WDR72: variants seen among roughly 807,000 people sequenced by gnomAD.
WDR72 encodes the protein WD repeat domain 72.
In WDR72, 120 loss-of-function variants were observed where a neutral mutation model predicts 124.2. The observed-to-expected ratio is 0.97, with a 90% CI of 0.83 to 1.12. WDR72 has a LOEUF of 1.12. WDR72 is among the 50% of genes most tolerant of loss of function. The probability of loss-of-function intolerance (pLI) is 0.00; values close to 1 mark genes in which losing one functional copy is unlikely to be tolerated. For synonymous variants in WDR72, 452 were observed against 441.7 expected, an observed-to-expected ratio of 1.02 and a Z score of -0.29; for missense variants, 1,387 against 1,278.8, an observed-to-expected ratio of 1.08 and a Z score of -1.29.
At chr15:53,683,357 A>G (rs74015882) in intron 13 of WDR72, among the ~76,000 whole-genome samples, 4,111 of 152,266 alleles carry the variant, frequency 0.027, 107 homozygotes, top group East Asian at 0.069. Flanking sequence ...TTCCCAACAC[A>G]TAGAAATGAT....
chr15:53,615,433 C>G lies in WDR72; in HGVS notation c.2773G>C (p.Val925Leu). The part of the protein sequence containing the change: ...VNMPLELACR[V>L]GSSFRMESIH... ...TCTCTAGGTATGTCTTACCTGCCAA[C>G]TCTACATGCCAATTCTAAAGGCATG... Residue 925 changes from valine (V) to leucine (L), a missense_variant, in exon 15 of 20, where the codon GTT becomes CTT. Physicochemically the swap from Val to Leu is conservative, Grantham distance 32. Coordinates refer to ENST00000360509, the MANE Select transcript of WDR72 (RefSeq NM_182758.4). The G allele has an allele frequency of 1.2e-6, 2 of 1,609,080 alleles. No homozygotes were observed. Among genetic ancestry groups the G allele is most frequent in the Non-Finnish European group, 1.7e-6 (2 of 1,177,532 alleles).
rs757060519 is a variant in WDR72, at chr15:53,716,685, C to A, written c.261G>T (p.Gly87=). 3 of 1,573,718 alleles carry A rather than the reference C, an allele frequency of 1.9e-6. No individual in the cohort carries two copies. The highest frequency in any genetic ancestry group is 1.5e-5 in the African/African-American group (1 of 68,642). Residue 87 remains glycine, a splice_region_variant and synonymous_variant, in exon 4 of 20, where the codon GGG becomes GGT. Coordinates refer to ENST00000360509, the MANE Select transcript of WDR72 (RefSeq NM_182758.4). ...TGGTGACATTCCAAACACACATCTC[C>A]CTAGCAGAAGATAACTTTGTGTTAT... ...QPYIVSAAEN[G]EMCVWNVTNG...
intron 14 of WDR72, among the ~76,000 whole-genome samples, chr15:53,634,752 C>T (rs747859852): frequency 1.3e-5 from 2 of 152,206 alleles, no homozygotes; most frequent in Admixed American, 6.5e-5. Flanking sequence ...AGGAGCTCAA[C>T]CTCTTGTCTC....
At chr15:53,647,275 A>T (rs2140421316) in intron 14 of WDR72, among the ~76,000 whole-genome samples, 1 of 152,256 alleles carries the variant, frequency 6.6e-6, no homozygotes, top group East Asian at 1.9e-4. Flanking sequence ...ATTTTTAAAA[A>T]GTAAGATAAG....
chr15:53,745,459 T>C lies in WDR72; in HGVS notation c.-12-12298A>G, dbSNP rs1394018855. 3.3e-5 allele frequency among the ~76,000 whole-genome samples: 5 copies of C among 152,326 alleles called. No homozygotes were observed. In the South Asian group the frequency reaches 6.2e-4, roughly 19 times the overall value. ...GGCCATGAAAATATACAATTTGTTA[T>C]TATTACTTCTAAACTATATGATGAT... On this transcript the variant is annotated intron_variant, in intron 1 of 19. Coordinates refer to ENST00000360509, the MANE Select transcript of WDR72 (RefSeq NM_182758.4).
intron 18 of WDR72, among the ~76,000 whole-genome samples, chr15:53,572,832 A>G (rs1894596231): frequency 6.6e-6 from 1 of 152,220 alleles, no homozygotes; most frequent in Non-Finnish European, 1.5e-5. Flanking sequence ...AACCTTACAG[A>G]AAGTCAGCAT....
chr15:53,529,165 T>TATA (rs1555404361), intron 18 of WDR72, among the ~76,000 whole-genome samples: 15,090 of 87,796 alleles, frequency 0.17, 1,192 homozygotes, highest in Admixed American at 0.31. Context: ...TATATATATA[T>TATA]TTTTTTTTTT....
chr15:53,549,536 T>C (rs1893638322), intron 18 of WDR72, among the ~76,000 whole-genome samples: 1 of 152,158 alleles, frequency 6.6e-6, no homozygotes, highest in South Asian at 2.1e-4. Context: ...ACATGCCCTT[T>C]TCACACACAT....
At chr15:53,523,526 A>AC (rs1891927664) in intron 18 of WDR72, among the ~76,000 whole-genome samples, 1 of 152,142 alleles carries the variant, frequency 6.6e-6, no homozygotes, top group African/African-American at 2.4e-5. Context: ...TATAGATGTG[A>AC]CTTTATCTTA....
intron 14 of WDR72, among the ~76,000 whole-genome samples, chr15:53,657,263 CAAAAAAAAAAAAAAA>C (rs10549551): frequency 5.3e-5 from 3 of 56,402 alleles, no homozygotes; most frequent in East Asian, 1.5e-3. Flanking sequence ...GACTCCATCT[CAAAAAAAAAAAAAAA>C]AAAAAAAAAA....
rs189002806 is a variant in WDR72, at chr15:53,585,779, G to A, written c.3148+11300C>T. On this transcript the variant is annotated intron_variant, in intron 18 of 19. Transcript: ENST00000360509. ...ATGCTCAGCCATCGTCCCAAGAAGA[G>A]TGTGATCTCTGCTCCAACGCTGGGT... Among the ~76,000 whole-genome samples, 5 of 152,116 alleles carry A rather than the reference G, an allele frequency of 3.3e-5. No individual in the cohort carries two copies. The East Asian group carries it at 9.7e-4, about 30-fold the overall frequency.
At chr15:53,738,118 T>C (rs1244089431) in intron 1 of WDR72, among the ~76,000 whole-genome samples, 5 of 152,180 alleles carry the variant, frequency 3.3e-5, no homozygotes, top group Non-Finnish European at 7.3e-5. Context: ...ATAAATTCGA[T>C]GTAGTTAAGA....
Position 53,715,250 on chromosome 15 carries a change from A to G in WDR72, c.457T>C (p.Ser153Pro). 6.2e-7 allele frequency: 1 copy of G among 1,614,178 alleles called. No homozygotes were observed. Among genetic ancestry groups the G allele is most frequent in the Non-Finnish European group, 8.5e-7 (1 of 1,180,006 alleles). ...CAGTTGATCCAGTCAGGAAACTGAG[A>G]TGATCTAAAACTGTGAACAACAGCC... Reference protein sequence around the residue: ...TLAVVHSFRSSQFPDWINCMC... With the variant: ...TLAVVHSFRSPQFPDWINCMC... Residue 153 changes from serine to proline, a missense_variant, in exon 5 of 20, where the codon TCT becomes CCT. Transcript: ENST00000360509.
intron 8 of WDR72, 137 bp downstream of exon 8, chr15:53,711,199 G>T: frequency 7.9e-7 from 1 of 1,263,014 alleles, no homozygotes; most frequent in Non-Finnish European, 1.1e-6. Context: ...ACCAAGCCCA[G>T]AGTAAATCTT....
At chr15:53,662,318 A>AT (rs1463169542) in intron 14 of WDR72, among the ~76,000 whole-genome samples, 1 of 152,146 alleles carries the variant, frequency 6.6e-6, no homozygotes, top group Non-Finnish European at 1.5e-5. Flanking sequence ...AATTGGAATT[A>AT]TTTTCAAAAT....
chr15:53,529,471 A>G (rs1316935009), intron 18 of WDR72, among the ~76,000 whole-genome samples: 1 of 151,974 alleles, frequency 6.6e-6, no homozygotes, highest in East Asian at 1.9e-4. Flanking sequence ...ACTACTGAGT[A>G]TACAATTGAA....
At chr15:53,699,185 T>G (rs2017092140) in intron 13 of WDR72, among the ~76,000 whole-genome samples, 1 of 152,218 alleles carries the variant, frequency 6.6e-6, no homozygotes, top group Non-Finnish European at 1.5e-5. Context: ...TTCCAGCATT[T>G]TCTGGAATGT....
chr15:53,637,181 T>A (rs896089339), intron 14 of WDR72, among the ~76,000 whole-genome samples: 12 of 152,232 alleles, frequency 7.9e-5, no homozygotes, highest in Non-Finnish European at 4.4e-5. Context: ...AATATTACAT[T>A]ATTTTTTATT....
chr15:53,665,198 A>AT (rs60292735), intron 14 of WDR72, among the ~76,000 whole-genome samples: 4,970 of 149,444 alleles, frequency 0.033, 141 homozygotes, highest in African/African-American at 0.064. Flanking sequence ...AGTTTTTCTG[A>AT]TTTTTTTTTT....
Sources: allele counts gnomAD v4.1 joint callset (sites outside exome capture counted in the v4.1 genomes callset), GRCh38; gene constraint gnomAD v4.1.1; transcripts MANE v1.5; gene names NCBI Gene and HGNC (gene_info 2026-07-23, HGNC 2026-07-21).